ACCSL: variants seen among roughly 807,000 people sequenced by gnomAD.
ACCSL encodes the protein 1-aminocyclopropane-1-carboxylate synthase homolog (inactive) like.
Under a neutral mutation model 61.7 loss-of-function variants are expected in ACCSL, and 55 were observed. The observed-to-expected ratio is 0.89, with a 90% CI of 0.72 to 1.12. ACCSL has a LOEUF of 1.12. Among genes scored for constraint, ACCSL ranks in the 50% most tolerant of loss-of-function variants. ACCSL has a pLI of 0.00. For missense variants in ACCSL, 632 were observed against 698.0 expected, an observed-to-expected ratio of 0.91 and a Z score of 1.07; for synonymous variants, 258 against 264.3, an observed-to-expected ratio of 0.98 and a Z score of 0.23.
the ACCSL span, among the ~76,000 whole-genome samples, chr11:43,962,423 C>A: frequency 0.44 from 67,496 of 152,048 alleles, 15,654 homozygotes; most frequent in Non-Finnish European, 0.52. Context: ...AAAGAGATGA[C>A]GTTCGCAAGG....
the ACCSL span, among the ~76,000 whole-genome samples, chr11:43,985,398 C>T: frequency 1.3e-5 from 2 of 152,156 alleles, no homozygotes; most frequent in Non-Finnish European, 2.9e-5. Flanking sequence ...CATGGGCTGA[C>T]GTTCCCAGAA....
At chr11:44,048,892 C>A (rs185304116) in intron 1 of ACCSL, among the ~76,000 whole-genome samples, 1 of 152,100 alleles carries the variant, frequency 6.6e-6, no homozygotes, top group Non-Finnish European at 1.5e-5. Flanking sequence ...TTCCCAAGAA[C>A]GTGAAAGGGA....
the ACCSL span, among the ~76,000 whole-genome samples, chr11:43,921,506 A>G: frequency 1.3e-5 from 2 of 152,248 alleles, no homozygotes; most frequent in African/African-American, 4.8e-5. Context: ...CCTCTTTTCA[A>G]TGCTTAGCTG....
the ACCSL span, among the ~76,000 whole-genome samples, chr11:44,004,267 C>T: frequency 6.6e-6 from 1 of 151,986 alleles, no homozygotes; most frequent in African/African-American, 2.4e-5. Flanking sequence ...ATCAGAAGGG[C>T]AGTCACGAGC....
At chr11:44,049,751 ACTGGATTAT>A (rs1952624186) in intron 1 of ACCSL, among the ~76,000 whole-genome samples, 1 of 152,184 alleles carries the variant, frequency 6.6e-6, no homozygotes, top group South Asian at 2.1e-4. Context: ...CACTCTTTAA[ACTGGATTAT>A]ATAGAACCTT....
At chr11:43,948,556 C>T in the ACCSL span, among the ~76,000 whole-genome samples, 2,766 of 152,272 alleles carry the variant, frequency 0.018, 90 homozygotes, top group African/African-American at 0.063. Context: ...TCACTGCAAC[C>T]TCTGCTTCCC....
At chr11:43,979,921 T>C in the ACCSL span, among the ~76,000 whole-genome samples, 1 of 151,190 alleles carries the variant, frequency 6.6e-6, no homozygotes, top group Non-Finnish European at 1.5e-5. Context: ...GTAACTTAGA[T>C]GTAAAAATTT....
the ACCSL span, among the ~76,000 whole-genome samples, chr11:44,003,630 G>A: frequency 7.1e-6 from 1 of 140,186 alleles, no homozygotes; most frequent in South Asian, 2.2e-4. Flanking sequence ...GCAACAGAGT[G>A]AGACTTTGTC....
the ACCSL span, among the ~76,000 whole-genome samples, chr11:44,004,493 C>T: frequency 3.3e-5 from 5 of 152,230 alleles, no homozygotes; most frequent in African/African-American, 1.2e-4. Context: ...CTGAGCTGAG[C>T]TGAGCTCTGG....
the ACCSL span, among the ~76,000 whole-genome samples, chr11:44,042,893 C>T: frequency 6.6e-6 from 1 of 151,944 alleles, no homozygotes; most frequent in Non-Finnish European, 1.5e-5. Flanking sequence ...CTGGCCTGGG[C>T]AACAAGGTGA....
chr11:44,030,975 C>T, the ACCSL span, among the ~76,000 whole-genome samples: 1 of 152,118 alleles, frequency 6.6e-6, no homozygotes, highest in Non-Finnish European at 1.5e-5. Flanking sequence ...ATGCCCAAGG[C>T]CTCCCAGGAA....
the ACCSL span, among the ~76,000 whole-genome samples, chr11:43,994,775 A>G: frequency 0.26 from 39,706 of 151,918 alleles, 6,224 homozygotes; most frequent in South Asian, 0.36. Flanking sequence ...TGGGACTACA[A>G]TGCGCGTGCC....
At chr11:43,952,823 G>T in the ACCSL span, among the ~76,000 whole-genome samples, 1 of 152,124 alleles carries the variant, frequency 6.6e-6, no homozygotes, top group African/African-American at 2.4e-5. Context: ...AAGATAAGAG[G>T]CCAGAGCATT....
the ACCSL span, among the ~76,000 whole-genome samples, chr11:43,931,967 G>A: frequency 1.3e-5 from 2 of 152,216 alleles, no homozygotes; most frequent in African/African-American, 2.4e-5. Flanking sequence ...GCCTGAGGCT[G>A]TGTCTGAGGA....
At chr11:44,030,057 A>ATTTTTTTTTTTTTTTTT in the ACCSL span, among the ~76,000 whole-genome samples, 3 of 4,454 alleles carry the variant, frequency 6.7e-4, 1 homozygote, top group Non-Finnish European at 1.2e-3. Context: ...TCTTTGGTTG[A>ATTTTTTTTTTTTTTTTT]TTTTTTTTTT....
At chr11:44,056,992 C>T (rs1419606391) in intron 11 of ACCSL, among the ~76,000 whole-genome samples, 1 of 152,196 alleles carries the variant, frequency 6.6e-6, no homozygotes, top group African/African-American at 2.4e-5. Context: ...CTCCCCAAAA[C>T]TCTGTTTGCT....
the ACCSL span, among the ~76,000 whole-genome samples, chr11:43,959,643 G>A: frequency 6.6e-6 from 1 of 152,152 alleles, no homozygotes; most frequent in African/African-American, 2.4e-5. Flanking sequence ...TTGCTGTCTT[G>A]CTTTCAACAA....
upstream of ACCSL, among the ~76,000 whole-genome samples, chr11:44,046,569 C>G (rs1169694854): frequency 6.6e-6 from 1 of 152,190 alleles, no homozygotes; most frequent in Non-Finnish European, 1.5e-5. Flanking sequence ...ACATCACAGG[C>G]AAACTGAACA....
At chr11:44,015,569 T>TG in the ACCSL span, among the ~76,000 whole-genome samples, 1 of 152,126 alleles carries the variant, frequency 6.6e-6, no homozygotes. Context: ...ACTCCTTGAG[T>TG]GGGGAGCAGA....
Sources: gnomAD v4.1 joint callset for allele counts (sites outside exome capture counted in the v4.1 genomes callset) on GRCh38, gnomAD v4.1.1 for gene constraint, MANE v1.5 for transcripts, NCBI Gene and HGNC (gene_info 2026-07-23, HGNC 2026-07-21) for gene names.